Variants in NDUFV3 observed in about 807,000 individuals in gnomAD.
The protein encoded by NDUFV3 is NADH dehydrogenase [ubiquinone] flavoprotein 3, mitochondrial.
A neutral mutation model predicts 37.5 loss-of-function variants in NDUFV3; 44 were observed. The observed-to-expected ratio is 1.17, with a 90% CI of 0.92 to 1.51. The LOEUF (loss-of-function observed/expected upper bound fraction) is 1.51. Among genes scored for constraint, NDUFV3 ranks in the 40% most tolerant of loss-of-function variants. The pLI, the probability that NDUFV3 is intolerant of heterozygous loss-of-function variation, is 0.00. For synonymous variants in NDUFV3, 235 were observed against 239.3 expected, an observed-to-expected ratio of 0.98 and a Z score of 0.17; for missense variants, 580 against 580.4, an observed-to-expected ratio of 1.00 and a Z score of 0.01.
At chr21:42,894,843 G>A in intron 1 of NDUFV3, among the ~76,000 whole-genome samples, 1 of 151,712 alleles carries the variant, frequency 6.6e-6, no homozygotes, top group Non-Finnish European at 1.5e-5. Flanking sequence ...GTTTATATGT[G>A]CACATACAGG....
In NDUFV3 at chr21:42,909,026, C is replaced by G. The variant is rs757564033; in HGVS notation, c.*5C>G. 4 of 1,613,254 alleles carry G rather than the reference C, an allele frequency of 2.5e-6. No homozygotes were observed. The African/African-American group carries it at 4.0e-5, about 16-fold the overall frequency. ...CGGGAGTCACCTCGACACTGAGGGC[C>G]CTCGGTGTGAAGATGAACCTTCCAC... On this transcript the variant is annotated 3_prime_UTR_variant, in exon 4 of 4. Coordinates refer to ENST00000354250, the MANE Select transcript of NDUFV3 (RefSeq NM_021075.4).
At chr21:42,894,044 C>G (rs1303556053) in intron 1 of NDUFV3, among the ~76,000 whole-genome samples, 1 of 151,380 alleles carries the variant, frequency 6.6e-6, no homozygotes, top group Non-Finnish European at 1.5e-5. Context: ...GTCGAAACCC[C>G]GTCTCTAAAA....
intron 2 of NDUFV3, among the ~76,000 whole-genome samples, chr21:42,902,089 T>C (rs534474354): frequency 2.6e-4 from 40 of 152,236 alleles, no homozygotes; most frequent in African/African-American, 9.6e-4. Context: ...ATGCCTGTAA[T>C]CCCAGCTATT....
In NDUFV3 at chr21:42,902,173, A is replaced by C. The variant is rs949273325; in HGVS notation, c.170-1009A>C. Among the ~76,000 whole-genome samples the C allele has an allele frequency of 2.0e-4, 31 of 152,270 alleles. 2 individuals carry two copies. The East Asian group carries it at 5.0e-3, about 25-fold the overall frequency. ...CGGTGACTGGAGATCGTGCCATTGCACTCCAGCCTGGGCAACAAGAGTGAA... is the reference window on the plus strand; with the variant it reads ...CGGTGACTGGAGATCGTGCCATTGCCCTCCAGCCTGGGCAACAAGAGTGAA... On this transcript the variant is annotated intron_variant, in intron 2 of 3. Transcript: ENST00000354250.
In NDUFV3 at chr21:42,893,313, G is replaced by A. The variant is rs986606499; in HGVS notation, c.-21G>A. On this transcript the variant is annotated 5_prime_UTR_variant, in exon 1 of 4. Coordinates refer to ENST00000354250, the MANE Select transcript of NDUFV3 (RefSeq NM_021075.4). ...GCGCGCAGCTGCTGTGGCCCTGCTT[G>A]GTGCGCCCGCTGTCACCGCCATGGC... The A allele has an allele frequency of 6.5e-7, 1 of 1,537,282 alleles. No individual in the cohort carries two copies. Among genetic ancestry groups the A allele is most frequent in the Non-Finnish European group, 8.7e-7 (1 of 1,146,278 alleles).
Position 42,908,983 on chromosome 21 carries a change from C to T in NDUFV3, c.1384C>T (p.Pro462Ser). 2 of 1,614,022 alleles carry T rather than the reference C, an allele frequency of 1.2e-6. No individual in the cohort carries two copies. Among genetic ancestry groups the T allele is most frequent in the South Asian group, 1.1e-5 (1 of 91,076 alleles). ...CCTCGAACTCTCAAAATTCAGGATG[C>T]CTCAGCCCTCCTCAGGCCGGGAGTC... ...LNLELSKFRM[P>S]QPSSGRESPR... Residue 462 changes from proline (P) to serine (S), a missense_variant, in exon 4 of 4, where the codon CCT (proline) becomes TCT (serine). Coordinates refer to ENST00000354250, the MANE Select transcript of NDUFV3 (RefSeq NM_021075.4).
At position 42,911,973 on chromosome 21, in the gene NDUFV3, G is replaced by T. The variant is rs1175132576; in HGVS notation, c.*2952G>T. On this transcript the variant is annotated 3_prime_UTR_variant, in exon 4 of 4. Coordinates refer to ENST00000354250, the MANE Select transcript of NDUFV3 (RefSeq NM_021075.4). Reference sequence around the variant, plus strand: ...AGTTCTTTCCTGGCTGGGCGCGGTGGCTCATGCCTGTAATCCCTGCACTTT... The same window carrying T: ...AGTTCTTTCCTGGCTGGGCGCGGTGTCTCATGCCTGTAATCCCTGCACTTT... 1 of 152,148 alleles carries T rather than the reference G, an allele frequency of 6.6e-6. No individual in the cohort carries two copies. The highest frequency in any genetic ancestry group is 1.5e-5 in the Non-Finnish European group (1 of 68,030). The allele number at this position is 152,148 out of a possible 1,614,324, so 9.4% of individuals were successfully genotyped here.
At chr21:42,902,991 C>T (rs1601220816) in intron 2 of NDUFV3, among the ~76,000 whole-genome samples, 191 bp from the exon 3 acceptor site, 2 of 152,278 alleles carry the variant, frequency 1.3e-5, no homozygotes, top group South Asian at 4.1e-4. Context: ...ATGTTCAGTA[C>T]TAAAGCAGAT....
Position 42,897,804 on chromosome 21 carries a change from G to A in NDUFV3, c.169+757G>A, listed in dbSNP as rs144996945. On this transcript the variant is annotated intron_variant, in intron 2 of 3. Transcript: ENST00000354250. ...CCATTCTCCTGCCTCGGCCTCCTGAGTAGCTGGGACTACAGGCGCCCACCA... is the reference window on the plus strand; with the variant it reads ...CCATTCTCCTGCCTCGGCCTCCTGAATAGCTGGGACTACAGGCGCCCACCA... 9.9e-3 allele frequency among the ~76,000 whole-genome samples: 1,506 copies of A among 151,886 alleles called. 37 individuals carry two copies. The highest frequency in any genetic ancestry group is 0.035 in the African/African-American group (1,450 of 41,428).
rs1333166667 is a variant in NDUFV3 at position 42,894,384 on chromosome 21, T to A, written c.48+1003T>A. Reference sequence around the variant, plus strand: ...ATTATATATATATTTATATAATATGTAAATATATATTATATATTTATATAA... The same window carrying A: ...ATTATATATATATTTATATAATATGAAAATATATATTATATATTTATATAA... On this transcript the variant is annotated intron_variant, in intron 1 of 3. Transcript: ENST00000354250. Among the ~76,000 whole-genome samples the A allele has an allele frequency of 6.6e-5, 2 of 30,240 alleles. 1 individual carries two copies. The highest frequency in any genetic ancestry group is 1.1e-4 in the Non-Finnish European group (2 of 18,916). The allele number at this position is 30,240 out of a possible 152,430, so 19.8% of individuals were successfully genotyped here.
intron 3 of NDUFV3, among the ~76,000 whole-genome samples, chr21:42,905,079 G>A (rs867949800): frequency 5.3e-5 from 8 of 152,126 alleles, no homozygotes; most frequent in East Asian, 1.9e-4. Context: ...CTGAGCCACC[G>A]TGCCCGGCCC....
In NDUFV3 at chr21:42,911,439, C is replaced by CTTTTTTTT. The variant is rs66493713; in HGVS notation, c.*2442_*2449dup. ...CTAAAATCCACTATGCTAACCCACCCTTTTTTTTTTTTTTTTTTTTTTTTT... is the reference window on the plus strand; with the variant it reads ...CTAAAATCCACTATGCTAACCCACCCTTTTTTTTTTTTTTTTTTTTTTTTTTTTTTTTT... On this transcript the variant is annotated 3_prime_UTR_variant, in exon 4 of 4. Transcript: ENST00000354250. The CTTTTTTTT allele has an allele frequency of 1.0e-4, 7 of 67,602 alleles. No individual in the cohort carries two copies. The highest frequency in any genetic ancestry group is 2.2e-4 in the African/African-American group (3 of 13,542). 4.2% of individuals were successfully genotyped at this position (67,602 alleles called of 1,614,324 possible).
intron 1 of NDUFV3, 143 bp from the exon 2 acceptor site, chr21:42,896,784 A>G: frequency 1.4e-6 from 1 of 731,236 alleles, no homozygotes; most frequent in Non-Finnish European, 2.1e-6. Context: ...GGCTGCAGTG[A>G]GCCATGATTG....
In NDUFV3 at chr21:42,899,445, G is replaced by T. The variant is rs2058709338; in HGVS notation, c.169+2398G>T. Among the ~76,000 whole-genome samples, 3 of 106,346 alleles carry T rather than the reference G, an allele frequency of 2.8e-5. No individual in the cohort carries two copies. The South Asian group carries it at 8.2e-4, about 29-fold the overall frequency. The allele number at this position is 106,346 out of a possible 152,430, so 69.8% of individuals were successfully genotyped here. ...CACCACCACGCCTGGCTAATTTTTT[G>T]TTTTTTTGTTTTGTTTTTGCGATAA... On this transcript the variant is annotated intron_variant, in intron 2 of 3. Coordinates refer to ENST00000354250, the MANE Select transcript of NDUFV3 (RefSeq NM_021075.4).
chr21:42,906,512 C>A (rs561732839), intron 3 of NDUFV3, among the ~76,000 whole-genome samples: 1 of 152,334 alleles, frequency 6.6e-6, no homozygotes, highest in Non-Finnish European at 1.5e-5. Flanking sequence ...CCTGATGCTG[C>A]TGCTTTCACT....
intron 2 of NDUFV3, among the ~76,000 whole-genome samples, chr21:42,902,243 A>C (rs1042770101): frequency 6.6e-6 from 1 of 152,034 alleles, no homozygotes; most frequent in African/African-American, 2.4e-5. Flanking sequence ...AAATAAAATA[A>C]GTAAAAATAA....
intron 2 of NDUFV3, among the ~76,000 whole-genome samples, chr21:42,897,966 G>GCACC (rs2058701532): frequency 6.6e-6 from 1 of 152,164 alleles, no homozygotes; most frequent in Non-Finnish European, 1.5e-5. Flanking sequence ...GTGAGCCACC[G>GCACC]TGCCCAGTCC....
intron 3 of NDUFV3, among the ~76,000 whole-genome samples, chr21:42,905,669 C>T (rs1017591257): frequency 6.6e-6 from 1 of 151,992 alleles, no homozygotes; most frequent in Non-Finnish European, 1.5e-5. Context: ...GCGTGTGGCA[C>T]CACCCCCGGC....
At chr21:42,905,814 C>T (rs948393903) in intron 3 of NDUFV3, among the ~76,000 whole-genome samples, 1 of 149,968 alleles carries the variant, frequency 6.7e-6, no homozygotes, top group Non-Finnish European at 1.5e-5. Context: ...CCGTGCCTAG[C>T]GTGTGGAGGC....
Sources: allele counts gnomAD v4.1 joint callset (sites outside exome capture counted in the v4.1 genomes callset), GRCh38; gene constraint gnomAD v4.1.1; transcripts MANE v1.5; gene names NCBI Gene and HGNC (gene_info 2026-07-23, HGNC 2026-07-21).